Variants in ADAT1 observed in about 807,000 individuals in gnomAD.
ADAT1 encodes adenosine deaminase tRNA specific 1.
A neutral mutation model predicts 58.6 loss-of-function variants in ADAT1; 58 were observed. That is an observed-to-expected ratio of 0.99 (90% confidence interval 0.80 to 1.23). The LOEUF is 1.23. Among genes scored for constraint, ADAT1 ranks in the 50% most tolerant of loss-of-function variants. ADAT1 has a pLI of 0.00. For missense variants in ADAT1, 741 were observed against 608.6 expected, an observed-to-expected ratio of 1.22 and a Z score of -2.29; for synonymous variants, 254 against 220.8, an observed-to-expected ratio of 1.15 and a Z score of -1.33.
chr16:75,616,741 T>C (rs1208998083), intron 5 of ADAT1, among the ~76,000 whole-genome samples: 1 of 152,256 alleles, frequency 6.6e-6, no homozygotes, highest in Non-Finnish European at 1.5e-5. Flanking sequence ...ATACTCAGTA[T>C]GTCATATCGT....
chr16:75,618,547 C>G, intron 4 of ADAT1, 39 bp downstream of exon 4: 6 of 1,454,704 alleles, frequency 4.1e-6, no homozygotes, highest in Non-Finnish European at 5.6e-6. Flanking sequence ...GACTCCCACC[C>G]CAGTCCTGCT....
rs1195653220 is a variant in ADAT1 at position 75,617,688 on chromosome 16, GAGGTTCCACCCTAGATATGC to G, written c.294-436_294-417del. On this transcript the variant is annotated intron_variant, in intron 4 of 9. Coordinates refer to ENST00000564657, the MANE Select transcript of ADAT1 (RefSeq NM_001324445.2). ...AAAAGAAAGAAGAAACCCAATTTCT[GAGGTTCCACCCTAGATATGC>G]TGAATCAGAATCTCTGTGGTGGGCT... Among the ~76,000 whole-genome samples, 4 of 151,022 alleles carry G rather than the reference GAGGTTCCACCCTAGATATGC, an allele frequency of 2.6e-5. No homozygotes were observed. The East Asian group carries it at 7.8e-4, about 29-fold the overall frequency.
At chr16:75,607,301 T>TG (rs986876065) in intron 8 of ADAT1, among the ~76,000 whole-genome samples, 7 of 150,796 alleles carry the variant, frequency 4.6e-5, no homozygotes, top group Non-Finnish European at 7.4e-5. Flanking sequence ...GTCAGGAGTT[T>TG]GAGACCAGCC....
intron 1 of ADAT1, among the ~76,000 whole-genome samples, chr16:75,621,843 CA>C (rs67208033): frequency 0.13 from 19,155 of 152,126 alleles, 2,563 homozygotes; most frequent in African/African-American, 0.34. Flanking sequence ...CTCAATTATA[CA>C]AAAAGCTTCC....
chr16:75,620,651 G>C lies in ADAT1; in HGVS notation c.149C>G (p.Thr50Ser). The change falls in exon 2 of 10, where the codon ACC (threonine) becomes AGC (serine). Residue 50 changes from threonine (T) to serine (S), a missense_variant. Transcript: ENST00000564657. ...CTCACCTTGCACCGGCTTATCAGGG[G>C]TGTCGCAGGCCTTGTCAGCTGGAGA... ...IQSPADKACDTPDKPVQVTKE... is the reference protein window; with the variant it reads ...IQSPADKACDSPDKPVQVTKE... 6.2e-7 allele frequency: 1 copy of C among 1,613,412 alleles called. No homozygotes were observed. The highest frequency in any genetic ancestry group is 8.5e-7 in the Non-Finnish European group (1 of 1,180,034).
At chr16:75,605,086 TTTC>T in intron 8 of ADAT1, among the ~76,000 whole-genome samples, 1 of 152,290 alleles carries the variant, frequency 6.6e-6, no homozygotes, top group South Asian at 2.1e-4. Flanking sequence ...TCCTTATGAT[TTTC>T]TTTTCTCTTT....
chr16:75,608,425 G>C, intron 7 of ADAT1, 102 bp from the exon 8 acceptor site: 1 of 984,890 alleles, frequency 1.0e-6, no homozygotes, highest in Non-Finnish European at 1.6e-6. Context: ...ACCCATGAGA[G>C]CTGGATATGA....
Position 75,608,274 on chromosome 16 carries a change from A to G in ADAT1, c.1239T>C (p.Asn413=), listed in dbSNP as rs775181244. The part of the protein sequence containing the change: ...VPEQPLDVTA[N]GFPQGTTKKT... Reference sequence around the variant, plus strand: ...TCTTTGTTGTTCCCTGTGGAAAGCCATTGGCAGTAACATCCAAAGGCTGCT... The same window carrying G: ...TCTTTGTTGTTCCCTGTGGAAAGCCGTTGGCAGTAACATCCAAAGGCTGCT... Residue 413 remains asparagine, a synonymous_variant, in exon 8 of 10, where the codon AAT becomes AAC. Transcript: ENST00000564657. The G allele has an allele frequency of 3.7e-6, 6 of 1,614,130 alleles. No homozygotes were observed. The South Asian group carries it at 5.5e-5, about 15-fold the overall frequency.
Position 75,617,273 on chromosome 16 carries a change from C to A in ADAT1, c.294-1G>T. On this transcript the variant is annotated splice_acceptor_variant, in intron 4 of 9. Transcript: ENST00000564657. LOFTEE classifies it high-confidence loss of function. Reference sequence around the variant, plus strand: ...CAACTGGAGTTGGTGGAGAAGGTACCTAAGGGTTGCAAGATGTTATTAGGA... The same window carrying A: ...CAACTGGAGTTGGTGGAGAAGGTACATAAGGGTTGCAAGATGTTATTAGGA... 6.2e-7 allele frequency: 1 copy of A among 1,611,912 alleles called. No individual in the cohort carries two copies. The highest frequency in any genetic ancestry group is 8.5e-7 in the Non-Finnish European group (1 of 1,178,270).
At chr16:75,613,695 T>C (rs951392944) in intron 5 of ADAT1, among the ~76,000 whole-genome samples, 5 of 152,186 alleles carry the variant, frequency 3.3e-5, no homozygotes, top group Admixed American at 1.3e-4. Context: ...ACCTGGTCTC[T>C]ACCTACTAAA....
chr16:75,603,230 T>G, intron 8 of ADAT1, 59 bp from the exon 9 acceptor site: 1 of 1,432,542 alleles, frequency 7.0e-7, no homozygotes, highest in Non-Finnish European at 9.8e-7. Context: ...TCTAAGCCCC[T>G]ATCAAAGATG....
Position 75,612,306 on chromosome 16 carries a change from G to T in ADAT1, c.980C>A (p.Ser327Ter). 6.2e-7 allele frequency: 1 copy of T among 1,614,176 alleles called. No homozygotes were observed. Among genetic ancestry groups the T allele is most frequent in the Non-Finnish European group, 8.5e-7 (1 of 1,180,042 alleles). The change falls in exon 6 of 10, where the codon TCA becomes TAA. Residue 327 changes from serine (S) to a stop codon, truncating the protein, a stop_gained. Transcript: ENST00000564657. LOFTEE classifies it high-confidence loss of function. The stretch of plus-strand genomic sequence containing the variant: ...TGGGCACTTCCCAATGACCACAGCT[G>T]ACAGGTAGATGGGCTCTTCCAGCAA... The part of the protein sequence containing the change: ...MHLLEEPIYL[S>*]AVVIGKCPYS...
At chr16:75,605,937 C>CAAA (rs972557653) in intron 8 of ADAT1, among the ~76,000 whole-genome samples, 17 of 74,976 alleles carry the variant, frequency 2.3e-4, no homozygotes, top group African/African-American at 4.9e-4. Context: ...AACTCTGTCT[C>CAAA]AAAAAAAAAA....
At chr16:75,612,120 G>C (rs2081557102) in intron 6 of ADAT1, 123 bp downstream of exon 6, 2 of 1,164,512 alleles carry the variant, frequency 1.7e-6, no homozygotes, top group Non-Finnish European at 2.4e-6. Context: ...ATTTCCTTAA[G>C]ACAAATTCCT....
In ADAT1 at chr16:75,623,165, A is replaced by T. The variant is rs11642599; in HGVS notation, c.-784T>A. ...GATCCTCACAACCTCTTCCCTCAAA[A>T]ACAGACTCGGCAAAGTTAGCCCGGA... On this transcript the variant is annotated 5_prime_UTR_variant, in exon 1 of 10. Transcript: ENST00000564657. 25,666 of 152,286 alleles carry T rather than the reference A, an allele frequency of 0.17. 2,289 individuals are homozygous for T. Among genetic ancestry groups the T allele is most frequent in the Middle Eastern group, 0.23 (67 of 294 alleles). 9.4% of individuals were successfully genotyped at this position (152,286 alleles called of 1,614,324 possible). A position where few individuals can be genotyped will look rare whatever the true frequency, so the allele number is the denominator to read the frequency against.
chr16:75,608,188 ACAGC>A, intron 8 of ADAT1, 32 bp downstream of exon 8: 1 of 1,562,808 alleles, frequency 6.4e-7, no homozygotes, highest in South Asian at 1.1e-5. Context: ...GTGTGAGTTC[ACAGC>A]CACCATCTCC....
chr16:75,612,347 C>G lies in ADAT1; in HGVS notation c.939G>C (p.Gly313=). Residue 313 remains glycine (G), a synonymous_variant, in exon 6 of 10, where the codon GGG becomes GGC. Coordinates refer to ENST00000564657, the MANE Select transcript of ADAT1 (RefSeq NM_001324445.2). ...MARWNVLGCQ[G]ALLMHLLEEP... ...CTTCCAGCAAGTGCATCAACAGTGC[C>G]CCTTGGCATCCGAGGACGTTCCATC... 6.2e-7 allele frequency: 1 copy of G among 1,614,178 alleles called. No homozygotes were observed. Among genetic ancestry groups the G allele is most frequent in the Non-Finnish European group, 8.5e-7 (1 of 1,180,044 alleles).
At chr16:75,612,955 AACTCTTGGGACCCACAGTAGACCT>A (rs2081593887) in intron 5 of ADAT1, 94 bp from the exon 6 acceptor site, 32 of 1,460,652 alleles carry the variant, frequency 2.2e-5, no homozygotes, top group Non-Finnish European at 2.7e-5. Flanking sequence ...CAGAAATGCA[AACTCTTGGGACCCACAGTAGACCT>A]GCTGAATCAG....
In ADAT1 at chr16:75,620,722, C is replaced by T; in HGVS notation, c.78G>A (p.Glu26=). 6.2e-7 allele frequency: 1 copy of T among 1,614,198 alleles called. No individual in the cohort carries two copies. Among genetic ancestry groups the T allele is most frequent in the Non-Finnish European group, 8.5e-7 (1 of 1,180,046 alleles). Reference sequence around the variant, plus strand: ...CCAATAATGTCCACTCATGGTTTGGCTCAGGCTTCCCCTTCTTGGGCAGCC... The same window carrying T: ...CCAATAATGTCCACTCATGGTTTGGTTCAGGCTTCCCCTTCTTGGGCAGCC... ...GIRLPKKGKP[E]PNHEWTLLAA... Residue 26 remains glutamate, a synonymous_variant, in exon 2 of 10, where the codon GAG becomes GAA. Coordinates refer to ENST00000564657, the MANE Select transcript of ADAT1 (RefSeq NM_001324445.2).
Sources: gnomAD v4.1 joint callset for allele counts (sites outside exome capture counted in the v4.1 genomes callset) on GRCh38, gnomAD v4.1.1 for gene constraint, MANE v1.5 for transcripts, NCBI Gene and HGNC (gene_info 2026-07-23, HGNC 2026-07-21) for gene names.